NCOR2: variants seen among roughly 807,000 people sequenced by gnomAD.
NCOR2 encodes nuclear receptor corepressor 2.
In NCOR2, 81 loss-of-function variants were observed where a neutral mutation model predicts 262.9. The ratio of observed to expected loss-of-function variants is 0.31; its 90% CI spans 0.26 to 0.37. NCOR2 has a LOEUF of 0.37. NCOR2 is among the 10% of genes least tolerant of loss of function. The pLI, the probability that NCOR2 is intolerant of heterozygous loss-of-function variation, is 1.00. For missense variants in NCOR2, 3,385 were observed against 3,621.4 expected (o/e 0.93, Z 1.68); for synonymous variants, 1,659 against 1,559.3 (o/e 1.06, Z -1.51).
chr12:124,365,632 G>A (rs116739616), intron 20 of NCOR2, among the ~76,000 whole-genome samples: 3,338 of 152,258 alleles, frequency 0.022, 120 homozygotes, highest in African/African-American at 0.077. Flanking sequence ...TGCTTAGGCT[G>A]CCCATGGCGC....
intron 41 of NCOR2, 66 bp from the exon 44 acceptor site, chr12:124,333,345 C>T: frequency 3.0e-6 from 4 of 1,348,056 alleles, no homozygotes; most frequent in Admixed American, 3.2e-5. Flanking sequence ...ACCCTCCCTC[C>T]ACTCTAAACC....
At chr12:124,550,200 C>A (rs2051672753) in intron 1 of NCOR2, among the ~76,000 whole-genome samples, 2 of 152,190 alleles carry the variant, frequency 1.3e-5, no homozygotes, top group Non-Finnish European at 2.9e-5. Flanking sequence ...GGCTGAGAAC[C>A]CTGCCGTTCT....
At chr12:124,528,631 G>A (rs1350360141) in intron 1 of NCOR2, among the ~76,000 whole-genome samples, 1 of 152,216 alleles carries the variant, frequency 6.6e-6, no homozygotes, top group Non-Finnish European at 1.5e-5. Flanking sequence ...GGAAGGCACA[G>A]CGTCTCCTCC....
At chr12:124,422,728 G>A (rs867163752) in intron 11 of NCOR2, among the ~76,000 whole-genome samples, 173 bp from the exon 14 acceptor site, 1 of 152,222 alleles carries the variant, frequency 6.6e-6, no homozygotes, top group African/African-American at 2.4e-5. Context: ...GCAGACGGGA[G>A]GGGTGGGGAC....
intron 7 of NCOR2, among the ~76,000 whole-genome samples, chr12:124,449,250 C>G (rs2045374465): frequency 6.6e-6 from 1 of 152,172 alleles, no homozygotes; most frequent in Non-Finnish European, 1.5e-5. Context: ...CCTCCTAGCA[C>G]CGGTCTGGGA....
chr12:124,516,793 G>GT (rs1555235550), intron 1 of NCOR2, among the ~76,000 whole-genome samples: 1 of 151,946 alleles, frequency 6.6e-6, no homozygotes, highest in Non-Finnish European at 1.5e-5. Context: ...AATCCCAGGG[G>GT]CCCCCCACCC....
At chr12:124,550,597 G>A (rs2051685375) in intron 1 of NCOR2, among the ~76,000 whole-genome samples, 1 of 152,180 alleles carries the variant, frequency 6.6e-6, no homozygotes. Context: ...GTAGGAACGT[G>A]GTTGTATTTT....
intron 1 of NCOR2, among the ~76,000 whole-genome samples, chr12:124,565,026 T>C (rs2052189973): frequency 1.3e-5 from 2 of 151,904 alleles, no homozygotes; most frequent in South Asian, 4.2e-4. Flanking sequence ...ATGAGTATTA[T>C]TAATTGGGGA....
intron 16 of NCOR2, among the ~76,000 whole-genome samples, chr12:124,395,833 A>T (rs1361200502): frequency 6.6e-6 from 1 of 152,104 alleles, no homozygotes; most frequent in East Asian, 1.9e-4. Flanking sequence ...TGCTCTGGGA[A>T]ATCTCCCAGC....
chr12:124,420,176 G>T (rs1386397931), intron 12 of NCOR2, 121 bp from the exon 15 acceptor site: 1 of 721,348 alleles, frequency 1.4e-6, no homozygotes, highest in East Asian at 2.6e-5. Context: ...GGTGACCTCG[G>T]ACAGATGACC....
intron 8 of NCOR2, among the ~76,000 whole-genome samples, chr12:124,433,759 A>G (rs575888360): frequency 6.6e-6 from 1 of 151,714 alleles, no homozygotes; most frequent in South Asian, 2.1e-4. Flanking sequence ...GAAGATGCTC[A>G]CTGGCATTTT....
At chr12:124,327,366 G>C (rs767277978) in intron 45 of NCOR2, 43 bp downstream of exon 47, 3 of 1,454,766 alleles carry the variant, frequency 2.1e-6, no homozygotes, top group East Asian at 2.4e-5. Flanking sequence ...AATCACACCG[G>C]GGGTGGGGAC....
At position 124,443,437 on chromosome 12, in the gene NCOR2, T is replaced by C. The variant is rs1480249477; in HGVS notation, c.816-5441A>G. Among the ~76,000 whole-genome samples the C allele has an allele frequency of 1.3e-5, 2 of 152,230 alleles. No homozygotes were observed. Among genetic ancestry groups the C allele is most frequent in the Admixed American group, 6.5e-5 (1 of 15,278 alleles). On this transcript the variant is annotated intron_variant, in intron 7 of 46. Transcript: ENST00000405201. The surrounding 1 kb of genome is among the most constrained non-coding windows in gnomAD (Gnocchi z 4.4). ...AGTCCGCAGGGTGCAAACTGCACAG[T>C]GCACAGGCCAGAGACAGCCTCTGAG...
chr12:124,355,150 C>T (rs2037849381), intron 24 of NCOR2: 1 of 613,900 alleles, frequency 1.6e-6, no homozygotes, highest in Admixed American at 3.1e-5. Context: ...TTGCATTTGC[C>T]CTTCCATTTC....
At chr12:124,456,882 G>A (rs993016574) in intron 6 of NCOR2, among the ~76,000 whole-genome samples, 2 of 152,186 alleles carry the variant, frequency 1.3e-5, no homozygotes, top group Non-Finnish European at 2.9e-5. Flanking sequence ...GGAGGCGCTC[G>A]CTGCCAAGAC....
rs5801559 is a variant in NCOR2 at position 124,523,636 on chromosome 12, T to TAAAAA, written c.-118+11924_-118+11928dup. 9.9e-3 allele frequency among the ~76,000 whole-genome samples: 1,374 copies of TAAAAA among 138,474 alleles called. 27 individuals are homozygous for TAAAAA. Among genetic ancestry groups the TAAAAA allele is most frequent in the African/African-American group, 0.036 (1,291 of 35,962 alleles). 90.8% of individuals were successfully genotyped at this position (138,474 alleles called of 152,430 possible). A position where few individuals can be genotyped will look rare whatever the true frequency, so the allele number is the denominator to read the frequency against. On this transcript the variant is annotated intron_variant, in intron 1 of 46. Coordinates refer to the NCOR2 transcript ENST00000404621. This position sits in a 1 kb window ranked among gnomAD's most constrained non-coding sequence, Gnocchi z 4.0. Reference sequence around the variant, plus strand: ...CTAACACTAACCATAGCTGATGAACTAAAAAAAAAAAAAACAAAAAACCGA... The same window carrying TAAAAA: ...CTAACACTAACCATAGCTGATGAACTAAAAAAAAAAAAAAAAAAACAAAAAACCGA...
chr12:124,401,844 G>C (rs189076795), intron 14 of NCOR2, among the ~76,000 whole-genome samples: 1 of 152,194 alleles, frequency 6.6e-6, no homozygotes, highest in Admixed American at 6.5e-5. Flanking sequence ...GGTACCTGGC[G>C]CTAAGTCGTG....
chr12:124,354,611 G>T, intron 25 of NCOR2, 29 bp from the exon 28 acceptor site: 1 of 1,495,388 alleles, frequency 6.7e-7, no homozygotes. Flanking sequence ...AGCGAGTCAC[G>T]TGCTGCCGGA....
At chr12:124,475,901 C>T (rs984734182) in intron 3 of NCOR2, among the ~76,000 whole-genome samples, 3 of 152,252 alleles carry the variant, frequency 2.0e-5, no homozygotes, top group Non-Finnish European at 4.4e-5. Flanking sequence ...GTCCCAGCCA[C>T]ACATCCGTTC....
Sources: allele counts gnomAD v4.1 joint callset (sites outside exome capture counted in the v4.1 genomes callset), GRCh38; gene constraint gnomAD v4.1.1; non-coding constraint Gnocchi (gnomAD v3.1); transcripts MANE v1.5; gene names NCBI Gene and HGNC (gene_info 2026-07-23, HGNC 2026-07-21).